KIRREL3: variants seen among roughly 807,000 people sequenced by gnomAD.
KIRREL3 encodes kirre like nephrin family adhesion molecule 3, also known as kin of IRRE-like protein 3.
In KIRREL3, 36 loss-of-function variants were observed where a neutral mutation model predicts 89.7. That is an observed-to-expected ratio of 0.40 (90% confidence interval 0.31 to 0.53). The LOEUF (loss-of-function observed/expected upper bound fraction) is 0.53. Ranked by LOEUF, KIRREL3 falls within the 20% of genes least tolerant of loss-of-function variation. KIRREL3 has a pLI of 0.49. For synonymous variants in KIRREL3, 445 were observed against 441.4 expected, an observed-to-expected ratio of 1.01 and a Z score of -0.10; for missense variants, 864 against 1,056.6, an observed-to-expected ratio of 0.82 and a Z score of 2.53.
chr11:126,693,297 T>C (rs1591971450), intron 1 of KIRREL3, among the ~76,000 whole-genome samples: 1 of 152,318 alleles, frequency 6.6e-6, no homozygotes, highest in South Asian at 2.1e-4. Flanking sequence ...GGCGCGCACC[T>C]GTAATCCCAG....
In KIRREL3 at chr11:126,923,285, CTCCTTCTCCTTCT is replaced by C. The variant is rs1313939428; in HGVS notation, c.55+77157_55+77169del. Among the ~76,000 whole-genome samples, 171 of 119,072 alleles carry C rather than the reference CTCCTTCTCCTTCT, an allele frequency of 1.4e-3. 10 individuals carry two copies. Among genetic ancestry groups the C allele is most frequent in the Non-Finnish European group, 2.2e-3 (127 of 58,084 alleles). 78.1% of individuals were successfully genotyped at this position (119,072 alleles called of 152,430 possible). On this transcript the variant is annotated intron_variant, in intron 1 of 16. Transcript: ENST00000525144. ...TCTTCTTCTCCTTCTCCTTCTCCTTCTCCTTCTCCTTCTTCCTTCTCCTTCTCCTTCTTCCTTC... is the reference window on the plus strand; with the variant it reads ...TCTTCTTCTCCTTCTCCTTCTCCTTCTCCTTCTCCTTCTCCTTCTTCCTTC...
chr11:126,590,252 C>G (rs1179382656), intron 1 of KIRREL3, among the ~76,000 whole-genome samples: 4 of 140,034 alleles, frequency 2.9e-5, no homozygotes, highest in Non-Finnish European at 6.1e-5. Context: ...CCAGATGTAG[C>G]CTGATCAAGC....
rs1172278828 is a variant in KIRREL3, at chr11:126,607,865, C to T, written c.56-44953G>A. On this transcript the variant is annotated intron_variant, in intron 1 of 16. Transcript: ENST00000525144. The surrounding 1 kb of genome is among the most constrained non-coding windows in gnomAD (Gnocchi z 6.6). The stretch of plus-strand genomic sequence containing the variant: ...ATCAAGACAGAGTTGCCACCCACTG[C>T]AAGGACGAACATCACTACTGGGTCA... 1.3e-5 allele frequency among the ~76,000 whole-genome samples: 2 copies of T among 152,196 alleles called. No individual in the cohort carries two copies. Among genetic ancestry groups the T allele is most frequent in the African/African-American group, 2.4e-5 (1 of 41,456 alleles).
chr11:126,597,627 G>C (rs373516879), intron 1 of KIRREL3, among the ~76,000 whole-genome samples: 17 of 152,230 alleles, frequency 1.1e-4, no homozygotes, highest in African/African-American at 4.1e-4. Flanking sequence ...GGTCTCAAAG[G>C]GCAAGTGGTC....
At chr11:126,825,228 T>G (rs1943366384) in intron 1 of KIRREL3, among the ~76,000 whole-genome samples, 1 of 152,180 alleles carries the variant, frequency 6.6e-6, no homozygotes, top group South Asian at 2.1e-4. Flanking sequence ...CTCTTGAAAT[T>G]ATGCTTCATG....
intron 1 of KIRREL3, among the ~76,000 whole-genome samples, chr11:126,596,132 C>T (rs2134727802): frequency 6.6e-6 from 1 of 152,290 alleles, no homozygotes; most frequent in Non-Finnish European, 1.5e-5. Flanking sequence ...GGCTGAGCTG[C>T]CTTCTCCATA....
intron 2 of KIRREL3, among the ~76,000 whole-genome samples, chr11:126,529,436 A>G (rs1039542172): frequency 2.6e-5 from 4 of 152,044 alleles, no homozygotes; most frequent in African/African-American, 9.7e-5. Context: ...TGGGGTCTGT[A>G]GGAAAGGAGC....
rs1958850210 is a variant in KIRREL3 at position 126,528,877 on chromosome 11, G to A, written c.134-2190C>T. Among the ~76,000 whole-genome samples the A allele has an allele frequency of 6.6e-6, 1 of 151,418 alleles. No individual in the cohort carries two copies. The highest frequency in any genetic ancestry group is 2.1e-4 in the South Asian group (1 of 4,784). ...GGAGAGGGAGGGGGTGGGTGGAAAG[G>A]ACTCCTTCTCTGGCTCCTTTTACTC... is the stretch of plus-strand genomic sequence containing the variant. On this transcript the variant is annotated intron_variant, in intron 2 of 16. Transcript: ENST00000525144. This position sits in a 1 kb window ranked among gnomAD's most constrained non-coding sequence, Gnocchi z 4.6.
intron 1 of KIRREL3, among the ~76,000 whole-genome samples, chr11:126,889,292 T>A (rs1295710531): frequency 1.3e-5 from 2 of 152,060 alleles, no homozygotes; most frequent in Non-Finnish European, 2.9e-5. Context: ...TTTGCCTTTT[T>A]AAAAAATACT....
At position 126,486,027 on chromosome 11, in the gene KIRREL3, C is replaced by T. The variant is rs1957350466; in HGVS notation, c.434-12561G>A. Among the ~76,000 whole-genome samples the T allele has an allele frequency of 6.6e-6, 1 of 152,218 alleles. No homozygotes were observed. Among genetic ancestry groups the T allele is most frequent in the African/African-American group, 2.4e-5 (1 of 41,456 alleles). ...AATGTCCTGTTTATATTTGGTTAAA[C>T]CCTGAAAGAGGGTCTGAGCATCTCA... On this transcript the variant is annotated intron_variant, in intron 4 of 16. Coordinates refer to ENST00000525144, the MANE Select transcript of KIRREL3 (RefSeq NM_032531.4). This position sits in a 1 kb window ranked among gnomAD's most constrained non-coding sequence, Gnocchi z 6.2.
chr11:126,659,800 G>A (rs1336159769), intron 1 of KIRREL3, among the ~76,000 whole-genome samples: 1 of 152,210 alleles, frequency 6.6e-6, no homozygotes, highest in Non-Finnish European at 1.5e-5. Flanking sequence ...TATGAGCACA[G>A]CCCAGGAATT....
intron 1 of KIRREL3, among the ~76,000 whole-genome samples, chr11:126,593,034 C>T (rs545689398): frequency 5.1e-4 from 77 of 152,284 alleles, no homozygotes; most frequent in African/African-American, 1.7e-3. Flanking sequence ...GCTTCTAGGC[C>T]TGAAGCCTCC....
In KIRREL3 at chr11:126,954,626, G is replaced by A. The variant is rs1441068721; in HGVS notation, c.55+45829C>T. On this transcript the variant is annotated intron_variant, in intron 1 of 16. Transcript: ENST00000525144. The surrounding 1 kb of genome is among the most constrained non-coding windows in gnomAD (Gnocchi z 4.1). ...GAGAGCATCTTCCCAAACCCTACAA[G>A]ATGGCTTGATTCACAACACTATATT... Among the ~76,000 whole-genome samples the A allele has an allele frequency of 6.6e-6, 1 of 151,654 alleles. No homozygotes were observed. The highest frequency in any genetic ancestry group is 1.9e-4 in the East Asian group (1 of 5,136).
At position 126,463,176 on chromosome 11, in the gene KIRREL3, C is replaced by G. The variant is rs369116661; in HGVS notation, c.723G>C (p.Ser241=). 6.2e-7 allele frequency: 1 copy of G among 1,613,392 alleles called. No individual in the cohort carries two copies. Among genetic ancestry groups the G allele is most frequent in the Non-Finnish European group, 8.5e-7 (1 of 1,179,788 alleles). ...NKAIPGGKET[S]VTIDIQHPPL... ...ACTCACGCTGGATGTCAATGGTGACCGACGTCTCCTTTCCTCCGGGGATGG... is the reference window on the plus strand; with the variant it reads ...ACTCACGCTGGATGTCAATGGTGACGGACGTCTCCTTTCCTCCGGGGATGG... The change falls in exon 6 of 17, where the codon TCG becomes TCC. Residue 241 remains serine (S), a synonymous_variant. Transcript: ENST00000525144. The surrounding 1 kb of genome is among the most constrained non-coding windows in gnomAD (Gnocchi z 5.9).
At chr11:126,852,287 C>T (rs1045687528) in intron 1 of KIRREL3, among the ~76,000 whole-genome samples, 1 of 152,050 alleles carries the variant, frequency 6.6e-6, no homozygotes, top group South Asian at 2.1e-4. Context: ...CTTTCGACCT[C>T]ATGATCCACC....
At chr11:126,602,033 C>G (rs1025503236) in intron 1 of KIRREL3, among the ~76,000 whole-genome samples, 4 of 152,212 alleles carry the variant, frequency 2.6e-5, no homozygotes, top group African/African-American at 7.2e-5. Context: ...GTGGCATGAT[C>G]AACACCTCGC....
At chr11:126,595,848 C>T (rs1942365905) in intron 1 of KIRREL3, among the ~76,000 whole-genome samples, 1 of 152,228 alleles carries the variant, frequency 6.6e-6, no homozygotes, top group South Asian at 2.1e-4. Context: ...TTTCCAGAAC[C>T]TTCTCTAGCT....
At chr11:126,567,034 C>T (rs577155452) in intron 1 of KIRREL3, among the ~76,000 whole-genome samples, 17 of 152,290 alleles carry the variant, frequency 1.1e-4, no homozygotes, top group Admixed American at 1.1e-3. Context: ...GCAGATGCTG[C>T]AAATCAAGAC....
chr11:126,807,462 C>A lies in KIRREL3; in HGVS notation c.55+192993G>T, dbSNP rs1422458053. On this transcript the variant is annotated intron_variant, in intron 1 of 16. Transcript: ENST00000525144. The surrounding 1 kb of genome is among the most constrained non-coding windows in gnomAD (Gnocchi z 4.3). ...TAGCTATGTGTTTAACCATTCATGT[C>A]TAACTATTCAAATTTAAAAATCTGT... 6.6e-6 allele frequency among the ~76,000 whole-genome samples: 1 copy of A among 152,180 alleles called. No individual in the cohort carries two copies. Among genetic ancestry groups the A allele is most frequent in the Non-Finnish European group, 1.5e-5 (1 of 68,022 alleles).
Sources: gnomAD v4.1 joint callset for allele counts (sites outside exome capture counted in the v4.1 genomes callset) on GRCh38, gnomAD v4.1.1 for gene constraint, Gnocchi (gnomAD v3.1) non-coding constraint, MANE v1.5 for transcripts, NCBI Gene and HGNC (gene_info 2026-07-23, HGNC 2026-07-21) for gene names.